PPIF: variants seen among roughly 807,000 people sequenced by gnomAD.
PPIF encodes peptidyl-prolyl cis-trans isomerase F, mitochondrial.
In PPIF, 23 loss-of-function variants were observed where a neutral mutation model predicts 20.2. The observed-to-expected ratio is 1.14, with a 90% CI of 0.82 to 1.61. The LOEUF (loss-of-function observed/expected upper bound fraction) is 1.61. PPIF is among the 40% of genes most tolerant of loss of function. The pLI is 0.00. For missense variants in PPIF, 287 were observed against 291.6 expected (o/e 0.98, Z 0.11); for synonymous variants, 113 against 123.1 (o/e 0.92, Z 0.54).
chr10:79,351,699 TC>T (rs2132152513), intron 4 of PPIF, 116 bp downstream of exon 4: 1 of 892,860 alleles, frequency 1.1e-6, no homozygotes, highest in South Asian at 1.6e-5. Context: ...TGAGTCTCCT[TC>T]CTCCCTGCGA....
At chr10:79,349,039 A>G (rs569873074) in intron 1 of PPIF, 37 bp from the exon 2 acceptor site, 6 of 1,613,704 alleles carry the variant, frequency 3.7e-6, no homozygotes, top group East Asian at 2.2e-5. Flanking sequence ...TGCCTCTCCA[A>G]TGACCATCCT....
chr10:79,350,630 G>C (rs1485865789), intron 3 of PPIF, among the ~76,000 whole-genome samples: 1 of 152,244 alleles, frequency 6.6e-6, no homozygotes, highest in Non-Finnish European at 1.5e-5. Flanking sequence ...TGATGGTAAA[G>C]TAGGAGCTGA....
At chr10:79,348,489 ACAG>A (rs1855931932) in intron 1 of PPIF, among the ~76,000 whole-genome samples, 1 of 152,192 alleles carries the variant, frequency 6.6e-6, no homozygotes, top group Admixed American at 6.5e-5. Flanking sequence ...CCACACATTG[ACAG>A]CAGGGGTCTG....
At position 79,348,896 on chromosome 10, in the gene PPIF, C is replaced by T. The variant is rs80258841; in HGVS notation, c.196-180C>T. Among the ~76,000 whole-genome samples the T allele has an allele frequency of 7.2e-3, 1,097 of 152,322 alleles. 19 individuals carry two copies. Among genetic ancestry groups the T allele is most frequent in the African/African-American group, 0.025 (1,035 of 41,564 alleles). On this transcript the variant is annotated intron_variant, in intron 1 of 5. Coordinates refer to ENST00000225174, the MANE Select transcript of PPIF (RefSeq NM_005729.4). ...CTCCTCCAGCCTTGGGTTCAGGAAA[C>T]GGCTCCCAGAAATGATAGAGCTGCC...
Position 79,354,236 on chromosome 10 carries a change from G to A in PPIF, c.*394G>A, listed in dbSNP as rs192435302. On this transcript the variant is annotated 3_prime_UTR_variant, in exon 6 of 6. Transcript: ENST00000225174. ...AGGACTCTAATACCTGTTTAATATT[G>A]TCTTCCTAATTGGGATAATTTAATT... 1.4e-3 allele frequency: 298 copies of A among 205,576 alleles called. 1 individual carries two copies. The highest frequency in any genetic ancestry group is 2.0e-3 in the Non-Finnish European group (201 of 100,090). The allele number at this position is 205,576 out of a possible 1,614,324, so 12.7% of individuals were successfully genotyped here.
intron 5 of PPIF, 89 bp from the exon 6 acceptor site, chr10:79,353,618 G>A: frequency 6.2e-7 from 1 of 1,605,442 alleles, no homozygotes. Context: ...CAGAATTGCT[G>A]TTTTCGGTAA....
intron 5 of PPIF, among the ~76,000 whole-genome samples, chr10:79,353,125 A>C (rs1856003037): frequency 6.6e-6 from 1 of 152,250 alleles, no homozygotes; most frequent in African/African-American, 2.4e-5. Flanking sequence ...TGTGGCCGGC[A>C]GGGCTGGGCA....
rs2132148896 is a variant in PPIF at position 79,347,522 on chromosome 10, C to G, written c.-27C>G. The G allele has an allele frequency of 7.7e-7, 1 of 1,292,920 alleles. No individual in the cohort carries two copies. The highest frequency in any genetic ancestry group is 9.7e-7 in the Non-Finnish European group (1 of 1,025,664). 80.1% of individuals were successfully genotyped at this position (1,292,920 alleles called of 1,614,324 possible). On this transcript the variant is annotated 5_prime_UTR_variant, in exon 1 of 6. Coordinates refer to ENST00000225174, the MANE Select transcript of PPIF (RefSeq NM_005729.4). ...AGTTTGAGTTCTGTGTTCTCCCCGCCCGTGTCCCGCCCGACCCGCGCCCGC... is the reference window on the plus strand; with the variant it reads ...AGTTTGAGTTCTGTGTTCTCCCCGCGCGTGTCCCGCCCGACCCGCGCCCGC...
chr10:79,349,637 T>C, intron 2 of PPIF, 28 bp from the exon 3 acceptor site: 2 of 1,612,410 alleles, frequency 1.2e-6, no homozygotes, highest in Non-Finnish European at 1.7e-6. Flanking sequence ...CCTGGCCCTG[T>C]TGACCTGTGT....
Position 79,353,997 on chromosome 10 carries a change from G to A in PPIF, c.*155G>A. ...AGGCTGCTAGGGATGTTAGACCTCG[G>A]CCAGGACCCACCACATTGCTTCCTA... is the stretch of plus-strand genomic sequence containing the variant. On this transcript the variant is annotated 3_prime_UTR_variant, in exon 6 of 6. Coordinates refer to ENST00000225174, the MANE Select transcript of PPIF (RefSeq NM_005729.4). 2.4e-6 allele frequency: 2 copies of A among 823,224 alleles called. No individual in the cohort carries two copies. Among genetic ancestry groups the A allele is most frequent in the Non-Finnish European group, 1.9e-6 (1 of 532,682 alleles). The allele number at this position is 823,224 out of a possible 1,614,324, so 51.0% of individuals were successfully genotyped here. A position where few individuals can be genotyped will look rare whatever the true frequency, so the allele number is the denominator to read the frequency against.
intron 4 of PPIF, among the ~76,000 whole-genome samples, chr10:79,352,054 C>G (rs1029666140): frequency 1.3e-5 from 2 of 152,120 alleles, no homozygotes; most frequent in Non-Finnish European, 2.9e-5. Flanking sequence ...GTCCTGGGGT[C>G]CTGCCCCAGG....
chr10:79,352,603 G>T (rs1412431812), intron 5 of PPIF, among the ~76,000 whole-genome samples: 1 of 152,220 alleles, frequency 6.6e-6, no homozygotes, highest in Admixed American at 6.5e-5. Flanking sequence ...GTCATGGTTC[G>T]GGTTCCCATT....
Position 79,352,336 on chromosome 10 carries a change from T to G in PPIF, c.432T>G (p.Asn144Lys). The G allele has an allele frequency of 6.2e-7, 1 of 1,614,188 alleles. No homozygotes were observed. Among genetic ancestry groups the G allele is most frequent in the Non-Finnish European group, 8.5e-7 (1 of 1,180,016 alleles). The change falls in exon 5 of 6, where the codon AAT becomes AAG. Residue 144 changes from asparagine to lysine, a missense_variant. Physicochemically the swap from Asn to Lys is moderately conservative, Grantham distance 94. Transcript: ENST00000225174. ...TTGCAGGTGTCCTGTCCATGGCTAA[T>G]GCTGGTCCTAACACCAACGGCTCCC... ...HVGPGVLSMA[N>K]AGPNTNGSQF...
intron 2 of PPIF, 105 bp from the exon 3 acceptor site, chr10:79,349,559 TC>T (rs1855951049): frequency 2.6e-6 from 4 of 1,535,088 alleles, no homozygotes; most frequent in Non-Finnish European, 3.5e-6. Flanking sequence ...AGAGTCTTTA[TC>T]CCCCTGTTCA....
intron 3 of PPIF, 55 bp downstream of exon 3, chr10:79,349,808 G>A: frequency 6.2e-7 from 1 of 1,610,126 alleles, no homozygotes; most frequent in East Asian, 2.2e-5. Flanking sequence ...TGCCTTGTGG[G>A]TGTGTGAAGA....
At position 79,354,110 on chromosome 10, in the gene PPIF, C is replaced by G; in HGVS notation, c.*268C>G. The stretch of plus-strand genomic sequence containing the variant: ...CTTGTCAAGCATTGCCTGTGATTGC[C>G]CAGCCCAGATTCATCTGTGCCTTGG... On this transcript the variant is annotated 3_prime_UTR_variant, in exon 6 of 6. Coordinates refer to ENST00000225174, the MANE Select transcript of PPIF (RefSeq NM_005729.4). 1 of 492,650 alleles carries G rather than the reference C, an allele frequency of 2.0e-6. No homozygotes were observed. Among genetic ancestry groups the G allele is most frequent in the Non-Finnish European group, 3.7e-6 (1 of 270,492 alleles). 30.5% of individuals were successfully genotyped at this position (492,650 alleles called of 1,614,324 possible). A position where few individuals can be genotyped will look rare whatever the true frequency, so the allele number is the denominator to read the frequency against.
chr10:79,353,669 G>A lies in PPIF; in HGVS notation c.489-38G>A, dbSNP rs372035395. 5.3e-5 allele frequency: 85 copies of A among 1,614,034 alleles called. No homozygotes were observed. The African/African-American group carries it at 8.3e-4, about 16-fold the overall frequency. On this transcript the variant is annotated intron_variant, in intron 5 of 5. Coordinates refer to ENST00000225174, the MANE Select transcript of PPIF (RefSeq NM_005729.4). Reference sequence around the variant, plus strand: ...GGTCCATGGCATTGGATGACATTGCGCTACACTGTTGCTCACCCGGGTCAC... The same window carrying A: ...GGTCCATGGCATTGGATGACATTGCACTACACTGTTGCTCACCCGGGTCAC...
rs773515994 is a variant in PPIF, at chr10:79,353,784, C to CT, written c.567dup (p.Lys190Ter). The CT allele has an allele frequency of 3.1e-6, 5 of 1,614,122 alleles. No homozygotes were observed. Among genetic ancestry groups the CT allele is most frequent in the Non-Finnish European group, 2.5e-6 (3 of 1,180,048 alleles). The stretch of plus-strand genomic sequence containing the variant: ...GTGAAGAAAATAGAATCTTTCGGCT[C>CT]TAAGAGTGGGAGGACATCCAAGAAG... On this transcript the variant is annotated frameshift_variant, in exon 6 of 6. Transcript: ENST00000225174. LOFTEE classifies it high-confidence loss of function.
intron 2 of PPIF, 116 bp from the exon 3 acceptor site, chr10:79,349,549 A>G (rs984351507): frequency 2.0e-6 from 3 of 1,514,422 alleles, no homozygotes; most frequent in Non-Finnish European, 2.7e-6. Flanking sequence ...GAGGTGGGCC[A>G]GAGTCTTTAT....
Sources: gnomAD v4.1 joint callset for allele counts (sites outside exome capture counted in the v4.1 genomes callset) on GRCh38, gnomAD v4.1.1 for gene constraint, MANE v1.5 for transcripts, NCBI Gene and HGNC (gene_info 2026-07-23, HGNC 2026-07-21) for gene names.